Variants in SH3GL2 observed in about 807,000 individuals in gnomAD.
SH3GL2 encodes SH3 domain containing GRB2 like 2, endophilin A1.
In SH3GL2, 24 loss-of-function variants were observed where a neutral mutation model predicts 46.0. The ratio of observed to expected loss-of-function variants is 0.52; its 90% CI spans 0.38 to 0.73. The LOEUF (loss-of-function observed/expected upper bound fraction) is 0.73, where lower values mean the gene tolerates loss of function less well. SH3GL2 is among the 30% of genes least tolerant of loss of function. The pLI is 0.00. For synonymous variants in SH3GL2, 196 were observed against 147.1 expected (o/e 1.33, Z -2.40); for missense variants, 413 against 424.2 (o/e 0.97, Z 0.23).
chr9:17,644,222 CTCTT>C (rs1371416405), intron 1 of SH3GL2, among the ~76,000 whole-genome samples: 3 of 151,828 alleles, frequency 2.0e-5, no homozygotes, highest in Non-Finnish European at 4.4e-5. Flanking sequence ...TGATTCTTCT[CTCTT>C]TTCTTCTTTA....
At chr9:17,666,081 C>T (rs1820334373) in intron 1 of SH3GL2, among the ~76,000 whole-genome samples, 1 of 151,430 alleles carries the variant, frequency 6.6e-6, no homozygotes, top group Non-Finnish European at 1.5e-5. Context: ...AAATTTCTAC[C>T]CTACAGCACC....
At chr9:17,644,178 T>C (rs190635495) in intron 1 of SH3GL2, among the ~76,000 whole-genome samples, 24 of 152,328 alleles carry the variant, frequency 1.6e-4, no homozygotes, top group African/African-American at 5.8e-4. Flanking sequence ...TCAGTGGTGG[T>C]ATCCCCTTTA....
chr9:17,705,583 A>G (rs1182882327), intron 1 of SH3GL2, among the ~76,000 whole-genome samples: 3 of 152,080 alleles, frequency 2.0e-5, no homozygotes, highest in African/African-American at 7.2e-5. Flanking sequence ...CTGGATAAAG[A>G]AAATGTGGTT....
In SH3GL2 at chr9:17,783,280, G is replaced by T. The variant is rs141550633; in HGVS notation, c.188-3101G>T. On this transcript the variant is annotated intron_variant, in intron 3 of 8. Coordinates refer to ENST00000380607, the MANE Select transcript of SH3GL2 (RefSeq NM_003026.5). ...TTTAATGGACTCTGCTGTTTTCCAT[G>T]GAAAGCAAGACCTAGTGGTTTTCCT... Among the ~76,000 whole-genome samples the T allele has an allele frequency of 1.4e-3, 219 of 151,840 alleles. 2 individuals carry two copies. Among genetic ancestry groups the T allele is most frequent in the African/African-American group, 4.9e-3 (203 of 41,400 alleles).
intron 1 of SH3GL2, among the ~76,000 whole-genome samples, chr9:17,609,155 G>A (rs1818814947): frequency 6.6e-6 from 1 of 152,280 alleles, no homozygotes; most frequent in Non-Finnish European, 1.5e-5. Flanking sequence ...CTCACAGCCC[G>A]ATAAAGTAGT....
chr9:17,768,141 G>C (rs1823369736), intron 3 of SH3GL2, among the ~76,000 whole-genome samples: 1 of 152,052 alleles, frequency 6.6e-6, no homozygotes, highest in Admixed American at 6.6e-5. Flanking sequence ...GGAGGCCGAG[G>C]TGGGCGGATC....
At chr9:17,687,513 A>AATTGTAAAT (rs57937955) in intron 1 of SH3GL2, among the ~76,000 whole-genome samples, 8,002 of 152,060 alleles carry the variant, frequency 0.053, 680 homozygotes, top group African/African-American at 0.18. Flanking sequence ...AAAAAATTTC[A>AATTGTAAAT]ATTGTAAATA....
At chr9:17,784,505 G>C (rs1823900958) in intron 3 of SH3GL2, among the ~76,000 whole-genome samples, 1 of 151,996 alleles carries the variant, frequency 6.6e-6, no homozygotes, top group Non-Finnish European at 1.5e-5. Context: ...TATTTGCACT[G>C]TTTTCATTTT....
intron 1 of SH3GL2, among the ~76,000 whole-genome samples, chr9:17,666,057 A>G (rs1305931576): frequency 1.3e-5 from 2 of 151,610 alleles, no homozygotes; most frequent in Non-Finnish European, 2.9e-5. Flanking sequence ...CTCACTTTTA[A>G]CAAAAAATAT....
intron 1 of SH3GL2, among the ~76,000 whole-genome samples, chr9:17,738,641 T>TATATATAGAGAGAGAGAGAGAGAGAG (rs376280314): frequency 1.1e-5 from 1 of 88,894 alleles, no homozygotes; most frequent in Non-Finnish European, 2.3e-5. Context: ...TATATATATA[T>TATATATAGAGAGAGAGAGAGAGAGAG]AGAGAGAGAG....
At chr9:17,785,367 G>A (rs1207701404) in intron 3 of SH3GL2, among the ~76,000 whole-genome samples, 1 of 152,160 alleles carries the variant, frequency 6.6e-6, no homozygotes, top group African/African-American at 2.4e-5. Context: ...TAATATCCCT[G>A]GGACAGGGTT....
chr9:17,772,893 A>T (rs898439923), intron 3 of SH3GL2, among the ~76,000 whole-genome samples: 7 of 152,178 alleles, frequency 4.6e-5, no homozygotes, highest in African/African-American at 1.7e-4. Flanking sequence ...AGGGAATTCT[A>T]TTTTTTATTT....
intron 3 of SH3GL2, among the ~76,000 whole-genome samples, chr9:17,770,794 G>A (rs1188668507): frequency 1.3e-5 from 2 of 152,160 alleles, no homozygotes; most frequent in Non-Finnish European, 2.9e-5. Flanking sequence ...GTGGCCACTG[G>A]CCAACAGCCA....
At chr9:17,618,589 A>C (rs1415339510) in intron 1 of SH3GL2, among the ~76,000 whole-genome samples, 1 of 152,114 alleles carries the variant, frequency 6.6e-6, no homozygotes, top group African/African-American at 2.4e-5. Flanking sequence ...GTCTTTATTT[A>C]CCTGGTTTTG....
chr9:17,769,904 C>T (rs1266759555), intron 3 of SH3GL2, among the ~76,000 whole-genome samples: 3 of 152,160 alleles, frequency 2.0e-5, no homozygotes, highest in African/African-American at 4.8e-5. Flanking sequence ...ATATTGTAAA[C>T]ATAGTCATTG....
intron 1 of SH3GL2, among the ~76,000 whole-genome samples, chr9:17,743,211 A>G (rs1822578892): frequency 2.0e-5 from 3 of 152,198 alleles, no homozygotes. Flanking sequence ...CTCCTAAGGA[A>G]TGAGTCAGTT....
At chr9:17,673,985 G>A (rs531683932) in intron 1 of SH3GL2, among the ~76,000 whole-genome samples, 15 of 152,282 alleles carry the variant, frequency 9.9e-5, no homozygotes, top group Admixed American at 3.3e-4. Context: ...CTCCTTGAAT[G>A]GAGGGTCTGT....
chr9:17,752,925 C>A (rs550278989), intron 2 of SH3GL2, among the ~76,000 whole-genome samples: 2 of 152,118 alleles, frequency 1.3e-5, no homozygotes, highest in African/African-American at 2.4e-5. Flanking sequence ...GTGTTCTCAT[C>A]ATTTTTGTCC....
At chr9:17,652,497 G>A (rs1392141659) in intron 1 of SH3GL2, among the ~76,000 whole-genome samples, 1 of 152,028 alleles carries the variant, frequency 6.6e-6, no homozygotes, top group Non-Finnish European at 1.5e-5. Context: ...TTCTGTGACT[G>A]CTCCATGAGT....
Sources: gnomAD v4.1 joint callset for allele counts (sites outside exome capture counted in the v4.1 genomes callset) on GRCh38, gnomAD v4.1.1 for gene constraint, MANE v1.5 for transcripts, NCBI Gene and HGNC (gene_info 2026-07-23, HGNC 2026-07-21) for gene names.